The following TJP2 variants were observed in gnomAD, a reference collection of about 807,000 sequenced individuals.
TJP2 encodes Friedreich ataxia region gene X104 (tight junction protein ZO-2).
A neutral mutation model predicts 133.1 loss-of-function variants in TJP2; 91 were observed. The ratio of observed to expected loss-of-function variants is 0.68; its 90% confidence interval spans 0.58 to 0.81. TJP2 has a LOEUF of 0.81. Among genes scored for constraint, TJP2 ranks in the 40% least tolerant of loss-of-function variants. TJP2 has a pLI of 0.00. For missense variants in TJP2, 1,541 were observed against 1,565.6 expected, an observed-to-expected ratio of 0.98 and a Z score of 0.26; for synonymous variants, 592 against 583.4, an observed-to-expected ratio of 1.01 and a Z score of -0.21.
chr9:69,239,843 A>T, intron 16 of TJP2, 94 bp from the exon 17 acceptor site: 1 of 1,016,158 alleles, frequency 9.8e-7, no homozygotes, highest in Non-Finnish European at 1.5e-6. Flanking sequence ...CAAACAAGAT[A>T]TATCTCATAC....
At chr9:69,205,931 T>C (rs905331276) in intron 1 of TJP2, among the ~76,000 whole-genome samples, 1 of 152,166 alleles carries the variant, frequency 6.6e-6, no homozygotes, top group African/African-American at 2.4e-5. Context: ...GTAAAATATA[T>C]AGGATTTTTA....
intron 17 of TJP2, among the ~76,000 whole-genome samples, chr9:69,240,925 T>C (rs1830540158): frequency 6.6e-6 from 1 of 152,154 alleles, no homozygotes; most frequent in African/African-American, 2.4e-5. Flanking sequence ...CAAAGTTCTT[T>C]GAGGAATGCA....
chr9:69,251,387 T>A (rs926333491), intron 21 of TJP2, 23 bp downstream of exon 21: 1 of 1,604,684 alleles, frequency 6.2e-7, no homozygotes. Context: ...AAACTACACA[T>A]CATCAATAAG....
intron 1 of TJP2, among the ~76,000 whole-genome samples, chr9:69,193,971 A>G (rs1425345618): frequency 1.3e-5 from 2 of 152,176 alleles, no homozygotes; most frequent in Middle Eastern, 3.2e-3. Context: ...CGTTTATGGT[A>G]TTTTAAATAT....
chr9:69,175,576 T>G (rs1825023754), intron 1 of TJP2, among the ~76,000 whole-genome samples: 1 of 152,166 alleles, frequency 6.6e-6, no homozygotes, highest in Admixed American at 6.5e-5. Context: ...GAAATTTGAT[T>G]ATTTAGTAAG....
chr9:69,205,249 A>C, intron 1 of TJP2: 1 of 1,537,284 alleles, frequency 6.5e-7, no homozygotes, highest in Non-Finnish European at 8.7e-7. Flanking sequence ...TCCCTCTGCA[A>C]GCTCTCCCCT....
chr9:69,175,706 GA>G (rs889230690), intron 1 of TJP2, among the ~76,000 whole-genome samples: 1 of 152,210 alleles, frequency 6.6e-6, no homozygotes, highest in African/African-American at 2.4e-5. Flanking sequence ...GTGCCATTTA[GA>G]AATGTGGACA....
At position 69,236,020 on chromosome 9, in the gene TJP2, T is replaced by A. The variant is rs1443299220; in HGVS notation, c.1781-8T>A. 2.5e-6 allele frequency: 4 copies of A among 1,613,916 alleles called. No individual in the cohort carries two copies. In the African/African-American group the frequency reaches 5.3e-5, roughly 22 times the overall value. ...CTGAATGCAACAAACGATGCTTTTG[T>A]CTTTCAGTGTATAGAGACATCCTGG... is the stretch of plus-strand genomic sequence containing the variant. On this transcript the variant is annotated splice_polypyrimidine_tract_variant and splice_region_variant and intron_variant, in intron 12 of 22. Coordinates refer to ENST00000377245, the MANE Select transcript of TJP2 (RefSeq NM_004817.4).
At chr9:69,196,950 C>CGTGTGTGTGTGTGT (rs1564425664) in intron 1 of TJP2, among the ~76,000 whole-genome samples, 34 of 126,264 alleles carry the variant, frequency 2.7e-4, no homozygotes, top group African/African-American at 9.3e-4. Flanking sequence ...TGTGTGTACA[C>CGTGTGTGTGTGTGT]ACACACACAC....
intron 1 of TJP2, among the ~76,000 whole-genome samples, chr9:69,138,627 C>T (rs1378151024): frequency 6.6e-6 from 1 of 151,984 alleles, no homozygotes; most frequent in Non-Finnish European, 1.5e-5. Context: ...ATTAGCCAGG[C>T]AGCCGGGAGG....
At chr9:69,168,771 C>T (rs1824502608) in intron 2 of TJP2, among the ~76,000 whole-genome samples, 1 of 147,930 alleles carries the variant, frequency 6.8e-6, no homozygotes, top group Non-Finnish European at 1.5e-5. Context: ...CATTGCAATC[C>T]AGCCTGAGCA....
intron 1 of TJP2, among the ~76,000 whole-genome samples, chr9:69,181,196 T>A (rs991196775): frequency 6.6e-6 from 1 of 151,924 alleles, no homozygotes; most frequent in Admixed American, 6.6e-5. Context: ...CACCACTGAT[T>A]AGCTGGGTGG....
intron 1 of TJP2, among the ~76,000 whole-genome samples, chr9:69,210,534 T>C (rs1456688980): frequency 6.6e-6 from 1 of 152,146 alleles, no homozygotes; most frequent in African/African-American, 2.4e-5. Flanking sequence ...GAACAGACTT[T>C]AAGTAATTGG....
chr9:69,239,319 T>C (rs543367257), intron 16 of TJP2, among the ~76,000 whole-genome samples: 3 of 151,174 alleles, frequency 2.0e-5, no homozygotes, highest in East Asian at 4.0e-4. Flanking sequence ...CTCAAAAAAA[T>C]ATATATATAA....
At chr9:69,242,512 CTG>C (rs766756607) in intron 17 of TJP2, among the ~76,000 whole-genome samples, 1 of 152,216 alleles carries the variant, frequency 6.6e-6, no homozygotes, top group Non-Finnish European at 1.5e-5. Context: ...GAAGCACACA[CTG>C]TAAGCATTGA....
chr9:69,217,645 T>C (rs1828490807), intron 3 of TJP2, among the ~76,000 whole-genome samples: 1 of 152,206 alleles, frequency 6.6e-6, no homozygotes, highest in Non-Finnish European at 1.5e-5. Context: ...TCAGTCACAC[T>C]ACTGCAGTCC....
At chr9:69,209,609 C>T (rs960040382) in intron 1 of TJP2, among the ~76,000 whole-genome samples, 1 of 150,916 alleles carries the variant, frequency 6.6e-6, no homozygotes, top group Non-Finnish European at 1.5e-5. Flanking sequence ...CAAAAATTAG[C>T]TGGGTGTGGT....
At chr9:69,252,285 G>A (rs1330502306) in intron 21 of TJP2, among the ~76,000 whole-genome samples, 2 of 152,114 alleles carry the variant, frequency 1.3e-5, no homozygotes, top group Non-Finnish European at 2.9e-5. Flanking sequence ...ATGAGTCACT[G>A]CACCCAGCCT....
At chr9:69,213,957 C>A (rs1273358425) in intron 2 of TJP2, among the ~76,000 whole-genome samples, 1 of 152,144 alleles carries the variant, frequency 6.6e-6, no homozygotes, top group African/African-American at 2.4e-5. Flanking sequence ...TAGTGGGCCT[C>A]ACGTGGGAAA....
Sources: gnomAD v4.1 joint callset for allele counts (sites outside exome capture counted in the v4.1 genomes callset) on GRCh38, gnomAD v4.1.1 for gene constraint, MANE v1.5 for transcripts, NCBI Gene and HGNC (gene_info 2026-07-23, HGNC 2026-07-21) for gene names.